Variants in CLIP1 observed in about 807,000 individuals in gnomAD.
CLIP1 encodes CAP-Gly domain containing linker protein 1.
In CLIP1, 66 loss-of-function variants were observed where a neutral mutation model predicts 161.6. The observed-to-expected ratio is 0.41, with a 90% CI of 0.33 to 0.50. The LOEUF (loss-of-function observed/expected upper bound fraction) is 0.50. Ranked by LOEUF, CLIP1 falls within the 20% of genes least tolerant of loss-of-function variation. The pLI, the probability that CLIP1 is intolerant of heterozygous loss-of-function variation, is 0.27. For missense variants in CLIP1, 1,376 were observed against 1,702.0 expected (o/e 0.81, Z 3.37); for synonymous variants, 598 against 626.2 (o/e 0.96, Z 0.67).
At chr12:122,276,296 G>A (rs1245710305) in intron 24 of CLIP1, 3 of 1,020,736 alleles carry the variant, frequency 2.9e-6, no homozygotes, top group South Asian at 3.3e-5. Context: ...ACTTCTCAAC[G>A]TGCATTTTCT....
chr12:122,346,381 A>G (rs1469269128), intron 10 of CLIP1, among the ~76,000 whole-genome samples: 1 of 152,226 alleles, frequency 6.6e-6, no homozygotes, highest in African/African-American at 2.4e-5. Flanking sequence ...GCTTTAATAT[A>G]TAAATAAACT....
intron 20 of CLIP1, among the ~76,000 whole-genome samples, chr12:122,295,514 A>G (rs1950433212): frequency 6.6e-6 from 1 of 152,232 alleles, no homozygotes; most frequent in Non-Finnish European, 1.5e-5. Flanking sequence ...ACTGAAAATC[A>G]TTTTATGGTC....
At position 122,377,610 on chromosome 12, in the gene CLIP1, T is replaced by C; in HGVS notation, c.436A>G (p.Thr146Ala). 3.1e-6 allele frequency: 5 copies of C among 1,613,836 alleles called. No homozygotes were observed. Among genetic ancestry groups the C allele is most frequent in the Non-Finnish European group, 4.2e-6 (5 of 1,179,970 alleles). The change falls in exon 3 of 26, where the codon ACT becomes GCT. Residue 146 changes from threonine to alanine, a missense_variant. Transcript: ENST00000620786. The stretch of plus-strand genomic sequence containing the variant: ...GCCGTAGAAGTGCACAGCGGTGAAG[T>C]AGCTCGGGAGGCGGGCGTTGTCTGC... Reference protein sequence around the residue: ...GLQTTPASRATSPLCTSTASM... With the variant: ...GLQTTPASRAASPLCTSTASM...
chr12:122,390,172 G>GATATATATATATATATATATATATAT (rs71082979), intron 1 of CLIP1, among the ~76,000 whole-genome samples: 2 of 93,536 alleles, frequency 2.1e-5, no homozygotes, highest in Non-Finnish European at 4.3e-5. Context: ...CACAGTCTCA[G>GATATATATATATATATATATATATAT]ATATATATAT....
At chr12:122,362,383 C>T (rs1051791981) in intron 4 of CLIP1, among the ~76,000 whole-genome samples, 18 of 151,180 alleles carry the variant, frequency 1.2e-4, no homozygotes, top group South Asian at 2.1e-4. Flanking sequence ...CCGTGGCTCA[C>T]GCCTGTAATA....
chr12:122,332,836 G>T, intron 15 of CLIP1, 151 bp downstream of exon 15: 1 of 599,804 alleles, frequency 1.7e-6, no homozygotes, highest in Non-Finnish European at 2.8e-6. Context: ...TTAAATAGTT[G>T]ATTCAAGGAC....
intron 10 of CLIP1, among the ~76,000 whole-genome samples, chr12:122,346,005 C>T (rs1185316459): frequency 1.3e-5 from 2 of 151,816 alleles, no homozygotes; most frequent in African/African-American, 4.8e-5. Flanking sequence ...AGGCTGGTCT[C>T]AAACTCCCAA....
chr12:122,417,369 G>C (rs1454496680), intron 1 of CLIP1, among the ~76,000 whole-genome samples: 1 of 152,090 alleles, frequency 6.6e-6, no homozygotes. Context: ...GGGAGGCTGA[G>C]GCAGGAGGAC....
chr12:122,372,651 A>C (rs901036124), intron 3 of CLIP1, among the ~76,000 whole-genome samples: 1 of 152,132 alleles, frequency 6.6e-6, no homozygotes, highest in African/African-American at 2.4e-5. Flanking sequence ...AGCAAACCTC[A>C]TCGCAAAGGA....
chr12:122,325,360 T>C (rs1031208115), intron 17 of CLIP1, among the ~76,000 whole-genome samples: 3 of 152,158 alleles, frequency 2.0e-5, no homozygotes, highest in African/African-American at 7.2e-5. Flanking sequence ...GCCCAGCTGA[T>C]ATAAATGTTC....
At chr12:122,394,156 A>G (rs1955797517) in intron 1 of CLIP1, among the ~76,000 whole-genome samples, 1 of 152,092 alleles carries the variant, frequency 6.6e-6, no homozygotes, top group South Asian at 2.1e-4. Flanking sequence ...TCAAACTTAG[A>G]AAAAAGTTCC....
chr12:122,293,002 C>CAAAAAAAAAAAAAAAAAAAAAAAAAAAA (rs57326141), intron 20 of CLIP1, among the ~76,000 whole-genome samples: 2 of 43,578 alleles, frequency 4.6e-5, no homozygotes, highest in African/African-American at 2.3e-4. Flanking sequence ...GACTCTGTCT[C>CAAAAAAAAAAAAAAAAAAAAAAAAAAAA]AAAAAAAAAA....
chr12:122,422,316 C>A (rs1470445497), intron 1 of CLIP1, among the ~76,000 whole-genome samples: 1 of 151,862 alleles, frequency 6.6e-6, no homozygotes, highest in African/African-American at 2.4e-5. Context: ...AGGAGCCCCC[C>A]AGGGACCCCC....
chr12:122,348,635 TC>T (rs941993321), intron 9 of CLIP1, among the ~76,000 whole-genome samples: 1 of 152,094 alleles, frequency 6.6e-6, no homozygotes, highest in African/African-American at 2.4e-5. Context: ...ATGTACCTCT[TC>T]CCACCCCCAC....
intron 20 of CLIP1, 49 bp from the exon 21 acceptor site, chr12:122,288,590 G>T: frequency 6.5e-7 from 1 of 1,528,240 alleles, no homozygotes. Context: ...GCCACAGAAA[G>T]GCATATTTCT....
At chr12:122,345,948 G>A (rs1198857667) in intron 10 of CLIP1, among the ~76,000 whole-genome samples, 3 of 152,022 alleles carry the variant, frequency 2.0e-5, no homozygotes, top group African/African-American at 7.3e-5. Flanking sequence ...ACCACGCCCG[G>A]ATAATTTTAG....
intron 10 of CLIP1, 60 bp from the exon 11 acceptor site, chr12:122,341,757 C>CTTTTTTTT (rs1952510340): frequency 1.1e-5 from 1 of 89,000 alleles, no homozygotes; most frequent in Non-Finnish European, 2.4e-5. Context: ...TGACTATTTT[C>CTTTTTTTT]TTTTCTTTTT....
At chr12:122,368,261 C>G (rs1954263909) in intron 3 of CLIP1, among the ~76,000 whole-genome samples, 1 of 152,094 alleles carries the variant, frequency 6.6e-6, no homozygotes, top group Non-Finnish European at 1.5e-5. Context: ...ACAGCGTTGG[C>G]CATTGAGGGA....
chr12:122,296,217 T>C (rs1180567644), intron 20 of CLIP1, among the ~76,000 whole-genome samples: 1 of 152,190 alleles, frequency 6.6e-6, no homozygotes, highest in Non-Finnish European at 1.5e-5. Context: ...GAACTGACTA[T>C]AAAGGAGGAT....
Sources: allele counts gnomAD v4.1 joint callset (sites outside exome capture counted in the v4.1 genomes callset), GRCh38; gene constraint gnomAD v4.1.1; transcripts MANE v1.5; gene names NCBI Gene and HGNC (gene_info 2026-07-23, HGNC 2026-07-21).